Variants in FOXP1 observed in about 807,000 individuals in gnomAD.
FOXP1 encodes the protein forkhead box P1.
In FOXP1, 15 loss-of-function variants were observed where a neutral mutation model predicts 98.2. The observed-to-expected ratio is 0.15, with a 90% CI of 0.10 to 0.24. FOXP1 has a LOEUF of 0.24. Ranked by LOEUF, FOXP1 falls within the 10% of genes least tolerant of loss-of-function variation. The pLI, the probability that FOXP1 is intolerant of heterozygous loss-of-function variation, is 1.00. For missense variants in FOXP1, 633 were observed against 848.5 expected, an observed-to-expected ratio of 0.75 and a Z score of 3.15; for synonymous variants, 371 against 314.5, an observed-to-expected ratio of 1.18 and a Z score of -1.90.
chr3:71,074,501 A>G (rs1024207484), intron 7 of FOXP1, among the ~76,000 whole-genome samples: 14 of 152,208 alleles, frequency 9.2e-5, no homozygotes, highest in Non-Finnish European at 1.3e-4. Context: ...TACTGGGATT[A>G]CAGGCGTTGA....
chr3:71,395,339 G>C lies in FOXP1; in HGVS notation c.-167-36095C>G, dbSNP rs112284267. On this transcript the variant is annotated intron_variant, in intron 3 of 20. Transcript: ENST00000649528. ...CCCAACTAGTTCTGCTGCCTTGAGT[G>C]TTTCTGCTCTCCATCTTGTATGCCT... Among the ~76,000 whole-genome samples the C allele has an allele frequency of 6.9e-3, 1,034 of 149,148 alleles. 17 individuals carry two copies. Among genetic ancestry groups the C allele is most frequent in the African/African-American group, 0.024 (981 of 40,264 alleles).
intron 9 of FOXP1, 60 bp downstream of exon 9, chr3:71,052,477 T>C: frequency 2.3e-6 from 2 of 860,908 alleles, no homozygotes; most frequent in Non-Finnish European, 4.1e-6. Context: ...GACAGTTTAA[T>C]AGCCACTAGA....
chr3:71,324,431 C>G (rs905260924), intron 4 of FOXP1, among the ~76,000 whole-genome samples: 1 of 152,186 alleles, frequency 6.6e-6, no homozygotes, highest in Admixed American at 6.5e-5. Flanking sequence ...GAATACTATG[C>G]AGCCATAAAA....
intron 2 of FOXP1, chr3:71,570,927 A>G (rs2047291120): frequency 6.6e-6 from 1 of 151,964 alleles, no homozygotes; most frequent in Non-Finnish European, 1.5e-5. Flanking sequence ...CAGCCTGGGT[A>G]GGAGGCTTTG....
intron 4 of FOXP1, among the ~76,000 whole-genome samples, chr3:71,319,857 C>T (rs1021243837): frequency 6.6e-6 from 1 of 152,146 alleles, no homozygotes; most frequent in South Asian, 2.1e-4. Context: ...TTGGGCCTTC[C>T]CTCAGTGAAT....
rs567684491 is a variant in FOXP1 at position 71,033,466 on chromosome 3, A to G, written c.869+7862T>C. 1.3e-3 allele frequency among the ~76,000 whole-genome samples: 202 copies of G among 152,288 alleles called. 1 individual carries two copies. Among genetic ancestry groups the G allele is most frequent in the African/African-American group, 4.6e-3 (193 of 41,562 alleles). ...TGGAAAGCATTTATCATTTAAACACAATAAATAGAAAGAGATTTATAGAGT... is the reference window on the plus strand; with the variant it reads ...TGGAAAGCATTTATCATTTAAACACGATAAATAGAAAGAGATTTATAGAGT... On this transcript the variant is annotated intron_variant, in intron 11 of 20. Coordinates refer to ENST00000649528, the MANE Select transcript of FOXP1 (RefSeq NM_001349338.3).
At chr3:71,191,465 G>T (rs992206118) in intron 6 of FOXP1, among the ~76,000 whole-genome samples, 2 of 152,198 alleles carry the variant, frequency 1.3e-5, no homozygotes, top group Admixed American at 1.3e-4. Context: ...ATAATGAAAT[G>T]TGGCACCTGG....
chr3:71,184,210 A>G (rs767498416), intron 6 of FOXP1, among the ~76,000 whole-genome samples: 33 of 152,210 alleles, frequency 2.2e-4, no homozygotes, highest in African/African-American at 7.5e-4. Flanking sequence ...TAAAAGTTTG[A>G]GAACCACTGC....
intron 2 of FOXP1, among the ~76,000 whole-genome samples, chr3:71,513,446 C>G (rs1404570467): frequency 6.6e-6 from 1 of 152,154 alleles, no homozygotes; most frequent in Non-Finnish European, 1.5e-5. Context: ...CCTTCGCTAC[C>G]AACTTCCTGG....
At position 70,958,956 on chromosome 3, in the gene FOXP1, T is replaced by G; in HGVS notation, c.*291A>C. The G allele has an allele frequency of 2.3e-6, 1 of 434,174 alleles. No homozygotes were observed. 26.9% of individuals were successfully genotyped at this position (434,174 alleles called of 1,614,324 possible). ...TAAAAGTGAATCAGTTTAGCAAATT[T>G]ACAACACTGATGTTGACGGTTAAGA... On this transcript the variant is annotated 3_prime_UTR_variant, in exon 21 of 21. Transcript: ENST00000649528.
chr3:71,218,766 C>T (rs2065133400), intron 5 of FOXP1, among the ~76,000 whole-genome samples: 1 of 152,162 alleles, frequency 6.6e-6, no homozygotes. Flanking sequence ...CTGGATTCAG[C>T]GCATAGAACT....
At chr3:71,281,039 C>CAAAAAAAAAAA (rs55640213) in intron 5 of FOXP1, among the ~76,000 whole-genome samples, 7 of 83,542 alleles carry the variant, frequency 8.4e-5, no homozygotes, top group Admixed American at 1.3e-4. Flanking sequence ...CCCTTCTCTA[C>CAAAAAAAAAAA]AAAAAAAAAA....
chr3:71,458,776 A>C (rs999291114), intron 3 of FOXP1, among the ~76,000 whole-genome samples: 1 of 152,210 alleles, frequency 6.6e-6, no homozygotes, highest in African/African-American at 2.4e-5. Flanking sequence ...TTCTTACCCA[A>C]ATTACACAGG....
intron 4 of FOXP1, among the ~76,000 whole-genome samples, chr3:71,323,909 T>C (rs1189673487): frequency 6.6e-6 from 1 of 152,162 alleles, no homozygotes; most frequent in Non-Finnish European, 1.5e-5. Context: ...GTTATATAAA[T>C]TGCATGGCCT....
At chr3:71,008,303 G>C (rs1414147892) in intron 12 of FOXP1, among the ~76,000 whole-genome samples, 1 of 152,072 alleles carries the variant, frequency 6.6e-6, no homozygotes, top group African/African-American at 2.4e-5. Flanking sequence ...GGGAGGAAAG[G>C]GAAGAATTAC....
intron 4 of FOXP1, among the ~76,000 whole-genome samples, chr3:71,358,598 T>G (rs2107893576): frequency 6.6e-6 from 1 of 152,338 alleles, no homozygotes; most frequent in South Asian, 2.1e-4. Context: ...TTTTTATTCC[T>G]GTTTCTCGCA....
chr3:71,453,503 C>T (rs986341691), intron 3 of FOXP1, among the ~76,000 whole-genome samples: 3 of 152,178 alleles, frequency 2.0e-5, no homozygotes, highest in Non-Finnish European at 4.4e-5. Context: ...AAAGGATAGG[C>T]TGTAATAGGA....
At chr3:71,422,398 C>G (rs1038678014) in intron 3 of FOXP1, among the ~76,000 whole-genome samples, 35 of 152,322 alleles carry the variant, frequency 2.3e-4, no homozygotes, top group South Asian at 8.3e-4. Flanking sequence ...TTCAGTCGGT[C>G]TGGGGTGGGG....
chr3:71,053,179 A>G (rs372852438), intron 8 of FOXP1, among the ~76,000 whole-genome samples: 2 of 152,366 alleles, frequency 1.3e-5, no homozygotes, highest in African/African-American at 2.4e-5. Flanking sequence ...TGGAAGAAGT[A>G]AAATCAACTC....
Sources: allele counts gnomAD v4.1 joint callset (sites outside exome capture counted in the v4.1 genomes callset), GRCh38; gene constraint gnomAD v4.1.1; transcripts MANE v1.5; gene names NCBI Gene and HGNC (gene_info 2026-07-23, HGNC 2026-07-21).